DCDC2: variants seen among roughly 807,000 people sequenced by gnomAD.
DCDC2 encodes the protein doublecortin domain containing 2.
In DCDC2, 40 loss-of-function variants were observed where a neutral mutation model predicts 50.2. That is an observed-to-expected ratio of 0.80 (90% confidence interval 0.62 to 1.04). The LOEUF is 1.04. Among genes scored for constraint, DCDC2 ranks in the 50% least tolerant of loss-of-function variants. The probability of loss-of-function intolerance (pLI) is 0.00; values close to 1 mark genes in which losing one functional copy is unlikely to be tolerated. For missense variants in DCDC2, 570 were observed against 581.9 expected (o/e 0.98, Z 0.21); for synonymous variants, 234 against 210.6 (o/e 1.11, Z -0.96).
intron 1 of DCDC2, 132 bp from the exon 2 acceptor site, chr6:24,353,755 C>G (rs551584695): frequency 1.9e-6 from 1 of 535,632 alleles, no homozygotes; most frequent in African/African-American, 1.9e-5. Flanking sequence ...CAAATAGCTA[C>G]TAATGAAAAG....
rs1457571087 is a variant in DCDC2 at position 24,357,906 on chromosome 6, C to A, written c.-156G>T. 6.5e-7 allele frequency: 1 copy of A among 1,534,776 alleles called. No homozygotes were observed. The highest frequency in any genetic ancestry group is 1.4e-5 in the African/African-American group (1 of 72,474). ...TGAAAGAGAAGTAACGGCCGTGCGC[C>A]TAGGCGTCCACCCAGAGGAGACACT... is the stretch of plus-strand genomic sequence containing the variant. On this transcript the variant is annotated 5_prime_UTR_variant, in exon 1 of 10. In the 5' UTR this introduces an upstream ATG that the reference lacks. Transcript: ENST00000378454.
chr6:24,364,963 G>T, the DCDC2 span, among the ~76,000 whole-genome samples: 4 of 152,104 alleles, frequency 2.6e-5, no homozygotes, highest in African/African-American at 9.7e-5. Flanking sequence ...TTTACAATTG[G>T]TTTTCACATC....
chr6:24,219,252 A>G (rs1403481116), intron 7 of DCDC2, among the ~76,000 whole-genome samples: 1 of 152,242 alleles, frequency 6.6e-6, no homozygotes, highest in African/African-American at 2.4e-5. Context: ...CTACAGCAAG[A>G]TATAAGTTAA....
rs1251193415 is a variant in DCDC2 at position 24,257,744 on chromosome 6, A to C, written c.922+20305T>G. Among the ~76,000 whole-genome samples the C allele has an allele frequency of 2.6e-5, 4 of 152,032 alleles. No homozygotes were observed. In the East Asian group the frequency reaches 7.7e-4, roughly 29 times the overall value. On this transcript the variant is annotated intron_variant, in intron 7 of 9. Coordinates refer to ENST00000378454, the MANE Select transcript of DCDC2 (RefSeq NM_016356.5). ...AGTGACAAGCTTCTAAAGAAATTTC[A>C]TCAGAAAAGTTTTGTGTTTTTAGAG...
rs540071074 is a variant in DCDC2 at position 24,332,884 on chromosome 6, C to T, written c.348+20685G>A. ...AAATGAGTATAAACAGGCATGGTAT[C>T]TAACCTCTTGGAGTTTACAATCTAG... On this transcript the variant is annotated intron_variant, in intron 2 of 9. Transcript: ENST00000378454. Among the ~76,000 whole-genome samples the T allele has an allele frequency of 2.6e-5, 4 of 152,260 alleles. No homozygotes were observed. In the East Asian group the frequency reaches 7.7e-4, roughly 29 times the overall value.
intron 8 of DCDC2, among the ~76,000 whole-genome samples, chr6:24,182,167 T>G (rs1761088598): frequency 6.6e-6 from 1 of 152,134 alleles, no homozygotes; most frequent in Non-Finnish European, 1.5e-5. Context: ...TAGCTTCAAA[T>G]GAATGAAAGA....
intron 4 of DCDC2, among the ~76,000 whole-genome samples, chr6:24,292,996 C>G (rs1318474748): frequency 6.6e-6 from 1 of 152,234 alleles, no homozygotes; most frequent in Non-Finnish European, 1.5e-5. Flanking sequence ...AGTTATATCT[C>G]AATCAGTAGT....
chr6:24,189,257 G>C (rs958166314), intron 8 of DCDC2, among the ~76,000 whole-genome samples: 9 of 152,166 alleles, frequency 5.9e-5, no homozygotes, highest in African/African-American at 2.2e-4. Flanking sequence ...ATGGGGCTCA[G>C]GGGAAATCGT....
chr6:24,346,703 G>A (rs1283948187), intron 2 of DCDC2, among the ~76,000 whole-genome samples: 1 of 150,368 alleles, frequency 6.7e-6, no homozygotes, highest in Non-Finnish European at 1.5e-5. Context: ...GCAGTGAGCC[G>A]AGATCATACC....
At chr6:24,318,373 T>A (rs1225041534) in intron 2 of DCDC2, among the ~76,000 whole-genome samples, 2 of 152,038 alleles carry the variant, frequency 1.3e-5, no homozygotes, top group Admixed American at 6.5e-5. Context: ...CAAGACATAC[T>A]GGGTTTTTTG....
At chr6:24,185,688 T>TACAC (rs35379687) in intron 8 of DCDC2, among the ~76,000 whole-genome samples, 7,836 of 144,376 alleles carry the variant, frequency 0.054, 250 homozygotes, top group Non-Finnish European at 0.073. Context: ...TCCATACACA[T>TACAC]ACACACACAC....
chr6:24,195,234 G>C (rs553955721), intron 8 of DCDC2, among the ~76,000 whole-genome samples: 2 of 152,154 alleles, frequency 1.3e-5, no homozygotes, highest in Non-Finnish European at 2.9e-5. Flanking sequence ...TATTGCTCAC[G>C]CAATAGCAGT....
At chr6:24,267,899 T>G (rs947278360) in intron 7 of DCDC2, among the ~76,000 whole-genome samples, 16 of 152,116 alleles carry the variant, frequency 1.1e-4, no homozygotes, top group Non-Finnish European at 2.2e-4. Context: ...CAAAAAGATG[T>G]CTGACTTAAT....
At chr6:24,371,041 C>T in the DCDC2 span, among the ~76,000 whole-genome samples, 84 of 152,016 alleles carry the variant, frequency 5.5e-4, no homozygotes, top group Admixed American at 1.3e-3. Flanking sequence ...TATGGGAGGC[C>T]GAGGCAGGTG....
intron 2 of DCDC2, among the ~76,000 whole-genome samples, chr6:24,314,482 A>AAACAAC (rs1046407559): frequency 6.6e-6 from 1 of 152,048 alleles, no homozygotes; most frequent in African/African-American, 2.4e-5. Flanking sequence ...GTCTCAAAAA[A>AAACAAC]AACAAAAACA....
At chr6:24,225,542 G>A (rs1186100823) in intron 7 of DCDC2, among the ~76,000 whole-genome samples, 1 of 152,162 alleles carries the variant, frequency 6.6e-6, no homozygotes, top group Non-Finnish European at 1.5e-5. Context: ...AGTCAACCAT[G>A]CTCAATGTAC....
chr6:24,254,512 T>C (rs1762854332), intron 7 of DCDC2, among the ~76,000 whole-genome samples: 1 of 152,186 alleles, frequency 6.6e-6, no homozygotes, highest in Non-Finnish European at 1.5e-5. Flanking sequence ...ATCTCCATTG[T>C]AATCTTATTG....
At position 24,357,618 on chromosome 6, in the gene DCDC2, C is replaced by G; in HGVS notation, c.133G>C (p.Glu45Gln). 6.2e-7 allele frequency: 1 copy of G among 1,613,496 alleles called. No individual in the cohort carries two copies. The highest frequency in any genetic ancestry group is 1.3e-5 in the African/African-American group (1 of 75,070). Residue 45 changes from glutamate to glutamine, a missense_variant, in exon 1 of 10, where the codon GAA becomes CAA. Transcript: ENST00000378454. ...VIHEKKVSSF[E>Q]VFLKEVTGGV... Reference sequence around the variant, plus strand: ...CCGGTCACCTCCTTCAGGAAGACTTCGAAGCTGGACACCTTCTTCTCATGG... The same window carrying G: ...CCGGTCACCTCCTTCAGGAAGACTTGGAAGCTGGACACCTTCTTCTCATGG...
rs1470652506 is a variant in DCDC2 at position 24,357,848 on chromosome 6, C to A, written c.-98G>T. 6.3e-7 allele frequency: 1 copy of A among 1,591,522 alleles called. No homozygotes were observed. ...CGCACCCAGGGCGCGGGATCGCCTC[C>A]TGAAACGAACGAGAAACTGACGAAT... On this transcript the variant is annotated 5_prime_UTR_variant, in exon 1 of 10. The change creates a new upstream start codon in the 5' untranslated region. Coordinates refer to ENST00000378454, the MANE Select transcript of DCDC2 (RefSeq NM_016356.5).
Sources: allele counts gnomAD v4.1 joint callset (sites outside exome capture counted in the v4.1 genomes callset), GRCh38; gene constraint gnomAD v4.1.1; transcripts MANE v1.5; gene names NCBI Gene and HGNC (gene_info 2026-07-23, HGNC 2026-07-21).